Variants in VPS13D observed in about 807,000 individuals in gnomAD.
VPS13D encodes the protein vacuolar protein sorting 13 homolog D.
Under a neutral mutation model 461.9 loss-of-function variants are expected in VPS13D, and 187 were observed. The ratio of observed to expected loss-of-function variants is 0.40; its 90% CI spans 0.36 to 0.46. The LOEUF is 0.46. Ranked by LOEUF, VPS13D falls within the 20% of genes least tolerant of loss-of-function variation. The probability of loss-of-function intolerance (pLI) is 0.60; values close to 1 mark genes in which losing one functional copy is unlikely to be tolerated. For missense variants in VPS13D, 4,711 were observed against 5,364.9 expected (o/e 0.88, Z 3.81); for synonymous variants, 1,951 against 1,986.3 (o/e 0.98, Z 0.47).
chr1:12,448,941 A>G (rs1645227349), intron 65 of VPS13D, among the ~76,000 whole-genome samples: 1 of 152,226 alleles, frequency 6.6e-6, no homozygotes. Context: ...TAGTTAAGAC[A>G]GCAGGACAGT....
intron 42 of VPS13D, among the ~76,000 whole-genome samples, chr1:12,343,368 T>C (rs1643611745): frequency 6.6e-6 from 1 of 151,966 alleles, no homozygotes; most frequent in South Asian, 2.1e-4. Context: ...GAGATGGGGT[T>C]TCATCATGTT....
chr1:12,343,608 C>T (rs538012764), intron 42 of VPS13D, among the ~76,000 whole-genome samples: 2 of 152,150 alleles, frequency 1.3e-5, no homozygotes, highest in South Asian at 4.2e-4. Flanking sequence ...CTCCTGGGCT[C>T]AAGCAGTTCT....
rs920079885 is a variant in VPS13D, at chr1:12,509,060, G to A, written c.*36G>A. The A allele has an allele frequency of 6.2e-6, 10 of 1,604,338 alleles. No individual in the cohort carries two copies. The highest frequency in any genetic ancestry group is 1.3e-5 in the African/African-American group (1 of 74,532). On this transcript the variant is annotated 3_prime_UTR_variant, in exon 70 of 70. Coordinates refer to ENST00000620676, the MANE Select transcript of VPS13D (RefSeq NM_015378.4). ...CTGAGATGGGCGCTCCCGACACAGC[G>A]CAGACCCACCAGGAGGAAAGAGGCC...
At chr1:12,350,044 C>G (rs1643761548) in intron 46 of VPS13D, among the ~76,000 whole-genome samples, 1 of 152,006 alleles carries the variant, frequency 6.6e-6, no homozygotes, top group Non-Finnish European at 1.5e-5. Flanking sequence ...TACTCTTTAC[C>G]CAGATCTGCA....
Position 12,327,628 on chromosome 1 carries a change from ACTT to A in VPS13D, c.7991-16_7991-14del, listed in dbSNP as rs766127311. On this transcript the variant is annotated splice_polypyrimidine_tract_variant and intron_variant, in intron 35 of 69. Coordinates refer to ENST00000620676, the MANE Select transcript of VPS13D (RefSeq NM_015378.4). Reference sequence around the variant, plus strand: ...GCTGTGGAAGCTGGTAGAACTGATCACTTCTTAATTTCTTTGAAGGCCAATTGA... The same window carrying A: ...GCTGTGGAAGCTGGTAGAACTGATCACTTAATTTCTTTGAAGGCCAATTGA... The A allele has an allele frequency of 2.0e-5, 32 of 1,613,082 alleles. No homozygotes were observed. Among genetic ancestry groups the A allele is most frequent in the Non-Finnish European group, 2.3e-5 (27 of 1,179,464 alleles).
intron 37 of VPS13D, among the ~76,000 whole-genome samples, chr1:12,331,134 A>G (rs1643321302): frequency 1.3e-5 from 2 of 152,230 alleles, no homozygotes; most frequent in Admixed American, 1.3e-4. Context: ...TTCAGAAGCC[A>G]TAATATATTA....
intron 65 of VPS13D, among the ~76,000 whole-genome samples, chr1:12,443,197 A>G (rs118063472): frequency 0.019 from 2,885 of 152,282 alleles, 109 homozygotes; most frequent in Admixed American, 0.099. Flanking sequence ...ATATATTTTT[A>G]ATTCTGCCTG....
Position 12,328,257 on chromosome 1 carries a change from G to A in VPS13D, c.8197+403G>A, listed in dbSNP as rs566263159. ...AAAAACAAGAATCTTACTAGAAAGT[G>A]CACTTCTGAGTCTCCACCACAGGGC... On this transcript the variant is annotated intron_variant, in intron 36 of 69. Coordinates refer to ENST00000620676, the MANE Select transcript of VPS13D (RefSeq NM_015378.4). Among the ~76,000 whole-genome samples, 250 of 152,088 alleles carry A rather than the reference G, an allele frequency of 1.6e-3. 2 individuals carry two copies. The highest frequency in any genetic ancestry group is 5.8e-3 in the African/African-American group (242 of 41,474).
intron 67 of VPS13D, among the ~76,000 whole-genome samples, chr1:12,463,116 G>A: frequency 6.6e-6 from 1 of 151,926 alleles, no homozygotes; most frequent in African/African-American, 2.4e-5. Flanking sequence ...TCATGAGACA[G>A]CGATCTGCCT....
rs191678754 is a variant in VPS13D, at chr1:12,349,029, G to T, written c.9220+56G>T. 895 of 1,611,306 alleles carry T rather than the reference G, an allele frequency of 5.6e-4. 2 individuals carry two copies. The highest frequency in any genetic ancestry group is 2.9e-3 in the Admixed American group (171 of 59,966). ...TGCTGATAAATACTTCTTGACTGTT[G>T]TCAAGTCTCTTTTTCCCCAGTGGTA... On this transcript the variant is annotated intron_variant, in intron 45 of 69. Coordinates refer to ENST00000620676, the MANE Select transcript of VPS13D (RefSeq NM_015378.4).
intron 39 of VPS13D, chr1:12,337,420 T>G (rs1458443808): frequency 6.6e-6 from 1 of 152,234 alleles, no homozygotes; most frequent in Non-Finnish European, 1.5e-5. Context: ...GTAAGTCATA[T>G]TCCTACAAAA....
At chr1:12,348,698 C>T in intron 44 of VPS13D, 125 bp from the exon 45 acceptor site, 1 of 1,205,350 alleles carries the variant, frequency 8.3e-7, no homozygotes, top group Non-Finnish European at 1.1e-6. Context: ...GGTTTTATGA[C>T]TGATTTCACT....
intron 6 of VPS13D, among the ~76,000 whole-genome samples, chr1:12,253,155 TCTCAAAAAA>T (rs1485653857): frequency 1.4e-5 from 2 of 140,798 alleles, no homozygotes; most frequent in African/African-American, 5.3e-5. Context: ...CGAAACTCCA[TCTCAAAAAA>T]AAAAAAAAAA....
rs566819766 is a variant in VPS13D at position 12,277,670 on chromosome 1, A to G, written c.4082A>G (p.Tyr1361Cys). ...TTTATCTTAGAGGAAAATGAAATATATGGGTTTGACCTAGCTTCGTCTCAT... is the reference window on the plus strand; with the variant it reads ...TTTATCTTAGAGGAAAATGAAATATGTGGGTTTGACCTAGCTTCGTCTCAT... ...EPFILEENEIYGFDLASSHLD... is the reference protein window; with the variant it reads ...EPFILEENEICGFDLASSHLD... The change falls in exon 19 of 70, where the codon TAT becomes TGT. Residue 1361 changes from tyrosine to cysteine, a missense_variant. Tyr to Cys is a radical substitution (Grantham distance 194). Coordinates refer to ENST00000620676, the MANE Select transcript of VPS13D (RefSeq NM_015378.4). 3.1e-6 allele frequency: 5 copies of G among 1,614,190 alleles called. No homozygotes were observed. The highest frequency in any genetic ancestry group is 1.3e-5 in the African/African-American group (1 of 75,048).
chr1:12,322,399 G>C (rs1000690826), intron 33 of VPS13D, 137 bp from the exon 34 acceptor site: 2 of 846,268 alleles, frequency 2.4e-6, no homozygotes, highest in African/African-American at 3.4e-5. Context: ...CAAGATCTTT[G>C]CAATCTTTTA....
At chr1:12,453,823 C>G (rs1413844670) in intron 65 of VPS13D, 1 of 152,146 alleles carries the variant, frequency 6.6e-6, no homozygotes, top group Admixed American at 6.6e-5. Context: ...TAAAGACATT[C>G]TACCTTGGGT....
intron 67 of VPS13D, among the ~76,000 whole-genome samples, chr1:12,463,474 G>A (rs181010599): frequency 5.3e-5 from 8 of 152,348 alleles, no homozygotes; most frequent in Admixed American, 5.2e-4. Flanking sequence ...CACTTGGGCT[G>A]GGCATGGTGG....
chr1:12,314,552 T>G (rs1043615233), intron 30 of VPS13D, among the ~76,000 whole-genome samples: 16 of 152,210 alleles, frequency 1.1e-4, no homozygotes, highest in African/African-American at 3.9e-4. Context: ...AATAAAGTAG[T>G]TAAGAATTGA....
Position 12,275,912 on chromosome 1 carries a change from C to T in VPS13D, c.2324C>T (p.Pro775Leu), listed in dbSNP as rs769430046. Residue 775 changes from proline (P) to leucine (L), a missense_variant, in exon 19 of 70, where the codon CCT (proline) becomes CTT (leucine). Coordinates refer to ENST00000620676, the MANE Select transcript of VPS13D (RefSeq NM_015378.4). ...DDEYKTPLATPPNTPPPESSS... is the reference protein window; with the variant it reads ...DDEYKTPLATLPNTPPPESSS... ...GAATATAAGACCCCCCTGGCCACAC[C>T]TCCTAACACCCCACCTCCCGAGTCA... 30 of 1,613,752 alleles carry T rather than the reference C, an allele frequency of 1.9e-5. No individual in the cohort carries two copies. Among genetic ancestry groups the T allele is most frequent in the East Asian group, 2.2e-5 (1 of 44,850 alleles).
Sources: gnomAD v4.1 joint callset for allele counts (sites outside exome capture counted in the v4.1 genomes callset) on GRCh38, gnomAD v4.1.1 for gene constraint, MANE v1.5 for transcripts, NCBI Gene and HGNC (gene_info 2026-07-23, HGNC 2026-07-21) for gene names.